The following EYS variants were observed in gnomAD, a reference collection of about 807,000 sequenced individuals.
EYS encodes the protein protein eyes shut homolog.
EYS carries 250 observed loss-of-function variants against 282.1 expected under a neutral mutation model. The ratio of observed to expected loss-of-function variants is 0.89; its 90% CI spans 0.80 to 0.98. The LOEUF (loss-of-function observed/expected upper bound fraction) is 0.98. EYS is among the 50% of genes least tolerant of loss of function. The pLI is 0.00. For synonymous variants in EYS, 1,355 were observed against 1,282.9 expected (o/e 1.06, Z -1.20); for missense variants, 4,016 against 3,709.0 (o/e 1.08, Z -2.15).
At chr6:64,853,002 C>G (rs1034967937) in intron 19 of EYS, among the ~76,000 whole-genome samples, 3 of 152,118 alleles carry the variant, frequency 2.0e-5, no homozygotes, top group African/African-American at 7.2e-5. Context: ...TAAGGCAGAC[C>G]TACAGTGATA....
chr6:64,895,629 A>G (rs1347540675), intron 18 of EYS, among the ~76,000 whole-genome samples: 1 of 152,240 alleles, frequency 6.6e-6, no homozygotes, highest in Non-Finnish European at 1.5e-5. Context: ...GAACAGCAAT[A>G]GAGAAATAGA....
chr6:65,111,058 G>A (rs1426063565), intron 12 of EYS, among the ~76,000 whole-genome samples: 1 of 151,794 alleles, frequency 6.6e-6, no homozygotes, highest in East Asian at 1.9e-4. Context: ...GCAGCTAATA[G>A]GAAATATGTG....
intron 19 of EYS, among the ~76,000 whole-genome samples, chr6:64,837,009 G>T (rs1765402236): frequency 6.6e-6 from 1 of 151,386 alleles, no homozygotes; most frequent in African/African-American, 2.4e-5. Context: ...ATGGCATGGG[G>T]GATTTCCAGA....
chr6:65,570,011 G>C (rs1250209129), intron 2 of EYS, among the ~76,000 whole-genome samples: 1 of 152,134 alleles, frequency 6.6e-6, no homozygotes, highest in Non-Finnish European at 1.5e-5. Context: ...ATGAGGGAAA[G>C]AGGAGTCAGC....
intron 12 of EYS, among the ~76,000 whole-genome samples, chr6:65,183,955 T>G (rs1465187976): frequency 6.6e-6 from 1 of 151,948 alleles, no homozygotes; most frequent in Admixed American, 6.6e-5. Flanking sequence ...AGAAATACTT[T>G]AGCTGGATTA....
intron 22 of EYS, among the ~76,000 whole-genome samples, chr6:64,674,781 T>C (rs200872591): frequency 3.7e-5 from 5 of 135,074 alleles, no homozygotes; most frequent in South Asian, 2.3e-4. Flanking sequence ...CACACACACA[T>C]ATATATACAC....
At chr6:64,323,434 G>A (rs992410466) in intron 29 of EYS, among the ~76,000 whole-genome samples, 2 of 151,972 alleles carry the variant, frequency 1.3e-5, no homozygotes, top group Non-Finnish European at 2.9e-5. Context: ...ATTCGCCTTT[G>A]GGTTGTTTCC....
At position 65,667,410 on chromosome 6, in the gene EYS, C is replaced by T. The variant is rs186637813; in HGVS notation, c.-447-27518G>A. 9.9e-5 allele frequency among the ~76,000 whole-genome samples: 15 copies of T among 151,948 alleles called. No individual in the cohort carries two copies. The East Asian group carries it at 2.9e-3, about 29-fold the overall frequency. On this transcript the variant is annotated intron_variant, in intron 1 of 42. Transcript: ENST00000503581. ...CACCCATAACTTTCTATTTCTGGAA[C>T]ACATTTATGTTCATTTCCAGCAAAG...
At chr6:65,071,016 A>T (rs1188627091) in intron 12 of EYS, among the ~76,000 whole-genome samples, 2 of 152,042 alleles carry the variant, frequency 1.3e-5, no homozygotes, top group East Asian at 3.9e-4. Context: ...GGTTAATATG[A>T]CATTTACTAT....
intron 12 of EYS, among the ~76,000 whole-genome samples, chr6:65,242,179 T>C (rs1032945532): frequency 1.3e-5 from 2 of 152,062 alleles, no homozygotes; most frequent in African/African-American, 4.8e-5. Flanking sequence ...ATTTAAAGTT[T>C]GCAATTCAGT....
chr6:64,411,921 G>T (rs1280118221), intron 28 of EYS, among the ~76,000 whole-genome samples: 2 of 151,108 alleles, frequency 1.3e-5, no homozygotes, highest in African/African-American at 2.4e-5. Flanking sequence ...ATATATGCAT[G>T]CATGTATGTA....
At chr6:63,978,384 C>T (rs1328204063) in intron 35 of EYS, among the ~76,000 whole-genome samples, 2 of 151,894 alleles carry the variant, frequency 1.3e-5, no homozygotes, top group Non-Finnish European at 1.5e-5. Context: ...AAATAGTCTT[C>T]TAGTGCAAGG....
At chr6:64,780,492 A>G (rs1354614205) in intron 22 of EYS, among the ~76,000 whole-genome samples, 1 of 152,172 alleles carries the variant, frequency 6.6e-6, no homozygotes, top group Non-Finnish European at 1.5e-5. Flanking sequence ...AAGATGGGGA[A>G]ATAACAGACA....
At chr6:64,624,194 G>C (rs1436557274) in intron 23 of EYS, among the ~76,000 whole-genome samples, 3 of 152,082 alleles carry the variant, frequency 2.0e-5, no homozygotes, top group African/African-American at 7.2e-5. Context: ...AAAGCAGCCT[G>C]AACAATTCAA....
In EYS at chr6:65,338,289, G is replaced by A. The variant is rs1158268767; in HGVS notation, c.1600-3143C>T. Among the ~76,000 whole-genome samples the A allele has an allele frequency of 9.2e-3, 1,395 of 151,096 alleles. 25 individuals carry two copies. The highest frequency in any genetic ancestry group is 0.032 in the African/African-American group (1,306 of 41,380). On this transcript the variant is annotated intron_variant, in intron 10 of 42. Coordinates refer to ENST00000503581, the MANE Select transcript of EYS (RefSeq NM_001142800.2). ...GGTTTTCTATAAAATTTACACATAA[G>A]AAGTCTCTCAGAAAAATTAGCAAGA...
chr6:63,973,269 C>G (rs539898211), intron 35 of EYS, among the ~76,000 whole-genome samples: 1 of 152,092 alleles, frequency 6.6e-6, no homozygotes, highest in African/African-American at 2.4e-5. Context: ...GAGATGGTAT[C>G]TCATTGTGGT....
chr6:65,532,795 AT>A (rs1407273158), intron 2 of EYS, among the ~76,000 whole-genome samples: 3 of 152,138 alleles, frequency 2.0e-5, no homozygotes, highest in Non-Finnish European at 2.9e-5. Context: ...CAGAAAAAAA[AT>A]ATGGCAAGTA....
At chr6:63,886,932 A>C (rs768546963) in intron 35 of EYS, among the ~76,000 whole-genome samples, 2 of 152,230 alleles carry the variant, frequency 1.3e-5, no homozygotes, top group Admixed American at 1.3e-4. Context: ...TTAATATTTG[A>C]CACAAAAGGT....
intron 2 of EYS, among the ~76,000 whole-genome samples, chr6:65,626,510 G>A (rs1410277816): frequency 6.6e-6 from 1 of 152,152 alleles, no homozygotes; most frequent in Non-Finnish European, 1.5e-5. Flanking sequence ...TACAGGGATA[G>A]ATACAATGAA....
Sources: allele counts gnomAD v4.1 joint callset (sites outside exome capture counted in the v4.1 genomes callset), GRCh38; gene constraint gnomAD v4.1.1; transcripts MANE v1.5; gene names NCBI Gene and HGNC (gene_info 2026-07-23, HGNC 2026-07-21).